The following PRELID1 variants were observed in gnomAD, a reference collection of about 807,000 sequenced individuals.
PRELID1 encodes the protein PRELI domain-containing protein 1, mitochondrial.
In PRELID1, 15 loss-of-function variants were observed where a neutral mutation model predicts 29.0. The ratio of observed to expected loss-of-function variants is 0.52; its 90% CI spans 0.35 to 0.80. The LOEUF is 0.80. Among genes scored for constraint, PRELID1 ranks in the 30% least tolerant of loss-of-function variants. The pLI, the probability that PRELID1 is intolerant of heterozygous loss-of-function variation, is 0.01. For synonymous variants in PRELID1, 79 were observed against 106.5 expected (o/e 0.74, Z 1.59); for missense variants, 187 against 275.9 (o/e 0.68, Z 2.28).
At chr5:177,306,038 T>TGGGGC in intron 3 of PRELID1, 54 bp downstream of exon 3, 3 of 1,601,302 alleles carry the variant, frequency 1.9e-6, no homozygotes, top group South Asian at 2.2e-5. Flanking sequence ...CTTTCGGTGT[T>TGGGGC]GGGGCTGGGC....
intron 2 of PRELID1, 63 bp downstream of exon 2, chr5:177,304,913 T>C (rs910703119): frequency 7.2e-5 from 103 of 1,432,228 alleles, no homozygotes; most frequent in Admixed American, 9.8e-5. Context: ...GATAGAGAGC[T>C]CCTCAGATAC....
At position 177,304,822 on chromosome 5, in the gene PRELID1, C is replaced by T; in HGVS notation, c.290C>T (p.Thr97Ile). Residue 97 changes from threonine to isoleucine, a missense_variant, in exon 2 of 5, where the codon ACC (threonine) becomes ATC (isoleucine). Thr to Ile is a moderately conservative substitution (Grantham distance 89). Coordinates refer to ENST00000303204, the MANE Select transcript of PRELID1 (RefSeq NM_013237.4). Reference sequence around the variant, plus strand: ...CAGAATCAGACCATGACTACCTTCACCTGGAACATCAACCACGCCCGGCTG... The same window carrying T: ...CAGAATCAGACCATGACTACCTTCATCTGGAACATCAACCACGCCCGGCTG... The part of the protein sequence containing the change: ...DPQNQTMTTF[T>I]WNINHARLMV... The T allele has an allele frequency of 6.2e-7, 1 of 1,613,570 alleles. No homozygotes were observed. The highest frequency in any genetic ancestry group is 8.5e-7 in the Non-Finnish European group (1 of 1,179,632).
chr5:177,306,239 GAGTCTGGGTT>G (rs1401930078), intron 4 of PRELID1, 63 bp downstream of exon 4: 11 of 1,582,144 alleles, frequency 7.0e-6, no homozygotes, highest in Non-Finnish European at 7.8e-6. Flanking sequence ...AGCGGGCGTG[GAGTCTGGGTT>G]AGTCATTGCC....
chr5:177,306,763 C>G lies in PRELID1; in HGVS notation c.*193C>G, dbSNP rs1172187131. On this transcript the variant is annotated 3_prime_UTR_variant, in exon 5 of 5. Coordinates refer to ENST00000303204, the MANE Select transcript of PRELID1 (RefSeq NM_013237.4). ...TCTGAGCCAGGTCTGCTTATTCTCC[C>G]ATTGGGCAGCTGAGGACCGAGGCAC... The G allele has an allele frequency of 4.0e-6, 4 of 992,182 alleles. No homozygotes were observed. In the East Asian group the frequency reaches 7.9e-5, roughly 20 times the overall value. 61.5% of individuals were successfully genotyped at this position (992,182 alleles called of 1,614,324 possible).
intron 1 of PRELID1, chr5:177,304,373 G>A: frequency 3.3e-6 from 2 of 607,522 alleles, no homozygotes; most frequent in East Asian, 2.8e-5. Flanking sequence ...TGCCCGTGGC[G>A]CTTTCCTGGG....
Position 177,304,144 on chromosome 5 carries a change from C to A in PRELID1, c.92+67C>A. Reference sequence around the variant, plus strand: ...TCTGGAGATCGAATTATGGGTAACCCCCAAGTACTGGGACCAGGAAGGACT... The same window carrying A: ...TCTGGAGATCGAATTATGGGTAACCACCAAGTACTGGGACCAGGAAGGACT... On this transcript the variant is annotated intron_variant, in intron 1 of 4. Coordinates refer to ENST00000303204, the MANE Select transcript of PRELID1 (RefSeq NM_013237.4). The A allele has an allele frequency of 4.9e-6, 7 of 1,434,986 alleles. No homozygotes were observed. In the South Asian group the frequency reaches 8.1e-5, roughly 17 times the overall value. The allele number at this position is 1,434,986 out of a possible 1,614,324, so 88.9% of individuals were successfully genotyped here.
At position 177,306,524 on chromosome 5, in the gene PRELID1, G is replaced by A. The variant is rs1760880615; in HGVS notation, c.614G>A (p.Ser205Asn). 1 of 1,612,524 alleles carries A rather than the reference G, an allele frequency of 6.2e-7. No individual in the cohort carries two copies. Among genetic ancestry groups the A allele is most frequent in the Non-Finnish European group, 8.5e-7 (1 of 1,179,354 alleles). The stretch of plus-strand genomic sequence containing the variant: ...ACAGAGAAGGCCAAGGACCTCGCCA[G>A]CAAGGCGGCCACCAAGAAGCAGCAG... Reference protein sequence around the residue: ...AATEKAKDLASKAATKKQQQQ... With the variant: ...AATEKAKDLANKAATKKQQQQ... The change falls in exon 5 of 5, where the codon AGC (serine) becomes AAC (asparagine). Residue 205 changes from serine (S) to asparagine (N), a missense_variant. Transcript: ENST00000303204.
chr5:177,305,279 T>TCACTGC (rs1190095259), intron 2 of PRELID1, among the ~76,000 whole-genome samples: 2 of 151,926 alleles, frequency 1.3e-5, no homozygotes, highest in Non-Finnish European at 2.9e-5. Context: ...TGATCTCACC[T>TCACTGC]CACTGCCACT....
Position 177,304,749 on chromosome 5 carries a change from A to C in PRELID1, c.217A>C (p.Asn73His). 1 of 1,613,924 alleles carries C rather than the reference A, an allele frequency of 6.2e-7. No homozygotes were observed. The stretch of plus-strand genomic sequence containing the variant: ...CTGGGCCGAGCGACTATTTCCTGCC[A>C]ATGTTGCTCACTCGGTGTACGTCCT... Reference protein sequence around the residue: ...PRWAERLFPANVAHSVYVLED... With the variant: ...PRWAERLFPAHVAHSVYVLED... The change falls in exon 2 of 5, where the codon AAT becomes CAT. Residue 73 changes from asparagine to histidine, a missense_variant. Transcript: ENST00000303204.
intron 2 of PRELID1, chr5:177,305,448 C>T (rs1031820539): frequency 9.4e-6 from 2 of 213,898 alleles, no homozygotes; most frequent in Non-Finnish European, 1.9e-5. Context: ...CTCAAGTGAT[C>T]CGCCCGCCTC....
chr5:177,306,874 G>C lies in PRELID1; in HGVS notation c.*304G>C. 2.7e-6 allele frequency: 2 copies of C among 727,460 alleles called. No individual in the cohort carries two copies. Among genetic ancestry groups the C allele is most frequent in the Non-Finnish European group, 4.4e-6 (2 of 457,312 alleles). The allele number at this position is 727,460 out of a possible 1,614,324, so 45.1% of individuals were successfully genotyped here. On this transcript the variant is annotated 3_prime_UTR_variant, in exon 5 of 5. Transcript: ENST00000303204. The stretch of plus-strand genomic sequence containing the variant: ...TAGACTGTAAGCCCGACAAGGGCAG[G>C]GCTTTTGGTTTTGTTCTCTGATGTG...
intron 4 of PRELID1, 53 bp from the exon 5 acceptor site, chr5:177,306,369 T>C: frequency 1.9e-6 from 3 of 1,611,362 alleles, no homozygotes; most frequent in Non-Finnish European, 2.5e-6. Context: ...GGAGGGAAAT[T>C]AGGTTGGTCT....
In PRELID1 at chr5:177,306,506, A is replaced by G. The variant is rs755083188; in HGVS notation, c.596A>G (p.Lys199Arg). ...AKETALAATEKAKDLASKAAT... is the reference protein window; with the variant it reads ...AKETALAATERAKDLASKAAT... ...GAGACGGCACTGGCAGCTACAGAGA[A>G]GGCCAAGGACCTCGCCAGCAAGGCG... Residue 199 changes from lysine to arginine, a missense_variant, in exon 5 of 5, where the codon AAG (lysine) becomes AGG (arginine). Transcript: ENST00000303204. 3.1e-6 allele frequency: 5 copies of G among 1,613,630 alleles called. No homozygotes were observed. The South Asian group carries it at 5.5e-5, about 18-fold the overall frequency.
intron 2 of PRELID1, 70 bp from the exon 3 acceptor site, chr5:177,305,799 CAG>C: frequency 1.6e-6 from 2 of 1,274,356 alleles, no homozygotes; most frequent in Admixed American, 1.8e-5. Flanking sequence ...TGAAAAGTGA[CAG>C]GGAGTCAGAT....
rs1760786736 is a variant in PRELID1, at chr5:177,303,979, C to T, written c.-7C>T. On this transcript the variant is annotated 5_prime_UTR_variant, in exon 1 of 5. Transcript: ENST00000303204. This position sits in a 1 kb window ranked among gnomAD's most constrained non-coding sequence, Gnocchi z 6.1. ...GCGCGGGTGCTGAGCCCGCTTCGGC[C>T]GGGACGATGGTGAAGTATTTCCTGG... 6.2e-6 allele frequency: 10 copies of T among 1,607,822 alleles called. No individual in the cohort carries two copies. Among genetic ancestry groups the T allele is most frequent in the South Asian group, 1.1e-5 (1 of 90,984 alleles).
chr5:177,303,935 G>A lies in PRELID1; in HGVS notation c.-51G>A, dbSNP rs1239069205. 5.2e-6 allele frequency: 8 copies of A among 1,541,748 alleles called. No individual in the cohort carries two copies. In the South Asian group the frequency reaches 9.1e-5, roughly 17 times the overall value. On this transcript the variant is annotated 5_prime_UTR_variant, in exon 1 of 5. Coordinates refer to ENST00000303204, the MANE Select transcript of PRELID1 (RefSeq NM_013237.4). This position sits in a 1 kb window ranked among gnomAD's most constrained non-coding sequence, Gnocchi z 6.1. ...GGCCCGGCCCTCGCGTGCCTCCCAG[G>A]CTCCGCACCCCTGATGCTGCGCGGG...
At chr5:177,305,782 C>T (rs762297299) in intron 2 of PRELID1, 89 bp from the exon 3 acceptor site, 164 of 1,051,388 alleles carry the variant, frequency 1.6e-4, no homozygotes, top group South Asian at 8.0e-4. Context: ...TGTATTGCTT[C>T]GCCTCATGAA....
chr5:177,304,900 C>G (rs777240476), intron 2 of PRELID1, 50 bp downstream of exon 2: 1 of 1,473,002 alleles, frequency 6.8e-7, no homozygotes, highest in South Asian at 1.2e-5. Context: ...CCCCTCCCCC[C>G]GAGATAGAGA....
In PRELID1 at chr5:177,306,562, T is replaced by C. The variant is rs746478835; in HGVS notation, c.652T>C (p.Phe218Leu). 1 of 1,607,206 alleles carries C rather than the reference T, an allele frequency of 6.2e-7. No individual in the cohort carries two copies. Among genetic ancestry groups the C allele is most frequent in the East Asian group, 2.2e-5 (1 of 44,680 alleles). The change falls in exon 5 of 5, where the codon TTT becomes CTT. Residue 218 changes from phenylalanine to leucine, a missense_variant. Transcript: ENST00000303204. ...ATKKQQQQQQ[F>L]V ...CAAGAAGCAGCAGCAGCAGCAACAGTTTGTGTAGCCAGTCTACCACCACCA... is the reference window on the plus strand; with the variant it reads ...CAAGAAGCAGCAGCAGCAGCAACAGCTTGTGTAGCCAGTCTACCACCACCA...
Sources: gnomAD v4.1 joint callset for allele counts (sites outside exome capture counted in the v4.1 genomes callset) on GRCh38, gnomAD v4.1.1 for gene constraint, Gnocchi (gnomAD v3.1) non-coding constraint, MANE v1.5 for transcripts, NCBI Gene and HGNC (gene_info 2026-07-23, HGNC 2026-07-21) for gene names.